CFAP221: variants seen among roughly 807,000 people sequenced by gnomAD.
CFAP221 encodes the protein cilia and flagella associated protein 221, also known as cilia- and flagella-associated protein 221.
Under a neutral mutation model 113.1 loss-of-function variants are expected in CFAP221, and 97 were observed. The ratio of observed to expected loss-of-function variants is 0.86; its 90% CI spans 0.73 to 1.02. The LOEUF (loss-of-function observed/expected upper bound fraction) is 1.02. Among genes scored for constraint, CFAP221 ranks in the 50% least tolerant of loss-of-function variants. The pLI, the probability that CFAP221 is intolerant of heterozygous loss-of-function variation, is 0.00. For missense variants in CFAP221, 1,025 were observed against 1,013.4 expected, an observed-to-expected ratio of 1.01 and a Z score of -0.16; for synonymous variants, 331 against 354.4, an observed-to-expected ratio of 0.93 and a Z score of 0.74.
intron 6 of CFAP221, among the ~76,000 whole-genome samples, chr2:119,585,859 G>A (rs896275010): frequency 6.6e-6 from 1 of 152,146 alleles, no homozygotes; most frequent in Admixed American, 6.5e-5. Context: ...GAATCTCCAG[G>A]GAAGACAGAC....
chr2:119,641,689 ACT>A (rs1687498565), intron 21 of CFAP221, among the ~76,000 whole-genome samples: 1 of 151,828 alleles, frequency 6.6e-6, no homozygotes, highest in African/African-American at 2.4e-5. Flanking sequence ...ATGCTTAGTA[ACT>A]CTTCTCTCAC....
At chr2:119,551,040 A>G (rs1307786838) in intron 3 of CFAP221, among the ~76,000 whole-genome samples, 1 of 152,204 alleles carries the variant, frequency 6.6e-6, no homozygotes, top group Admixed American at 6.5e-5. Flanking sequence ...TTCACTTAGC[A>G]TAGTGTTTTC....
chr2:119,608,159 A>G (rs1294706322), intron 11 of CFAP221, among the ~76,000 whole-genome samples: 3 of 152,304 alleles, frequency 2.0e-5, no homozygotes, highest in East Asian at 3.9e-4. Context: ...TTGCTCAGCA[A>G]TACCCGTTAT....
chr2:119,645,834 C>A (rs1454392034), intron 21 of CFAP221, among the ~76,000 whole-genome samples: 1 of 152,164 alleles, frequency 6.6e-6, no homozygotes, highest in Non-Finnish European at 1.5e-5. Flanking sequence ...CATGAGACAG[C>A]ATTCTCTAGG....
At chr2:119,568,990 GT>G (rs964138918) in intron 6 of CFAP221, among the ~76,000 whole-genome samples, 4 of 151,652 alleles carry the variant, frequency 2.6e-5, no homozygotes, top group Non-Finnish European at 5.9e-5. Flanking sequence ...TGAGTCGGTG[GT>G]TTTTTTTCCT....
chr2:119,655,671 A>AT (rs1688385575), intron 23 of CFAP221, among the ~76,000 whole-genome samples: 1 of 152,154 alleles, frequency 6.6e-6, no homozygotes, highest in African/African-American at 2.4e-5. Context: ...GAGCACCATG[A>AT]CAGTCTCTGA....
At chr2:119,551,968 A>G (rs893144488) in intron 3 of CFAP221, among the ~76,000 whole-genome samples, 20 of 152,166 alleles carry the variant, frequency 1.3e-4, no homozygotes, top group African/African-American at 4.8e-4. Context: ...CTTCCTTAAA[A>G]TAGACTTTCC....
intron 21 of CFAP221, among the ~76,000 whole-genome samples, chr2:119,642,825 G>A (rs985183923): frequency 6.7e-6 from 1 of 149,908 alleles, no homozygotes; most frequent in Non-Finnish European, 1.5e-5. Flanking sequence ...CAGAAGTGGA[G>A]CCACTGCACC....
At chr2:119,551,782 A>C (rs1205676434) in intron 3 of CFAP221, among the ~76,000 whole-genome samples, 1 of 152,220 alleles carries the variant, frequency 6.6e-6, no homozygotes, top group South Asian at 2.1e-4. Flanking sequence ...CAATTTCTGC[A>C]AGAATACTTT....
intron 11 of CFAP221, among the ~76,000 whole-genome samples, chr2:119,606,644 G>A (rs1342815883): frequency 2.6e-5 from 4 of 151,968 alleles, no homozygotes; most frequent in Non-Finnish European, 4.4e-5. Flanking sequence ...TACATATAGA[G>A]AAGGAAAAAA....
intron 7 of CFAP221, among the ~76,000 whole-genome samples, chr2:119,597,756 G>T (rs948365012): frequency 6.6e-6 from 1 of 152,150 alleles, no homozygotes; most frequent in African/African-American, 2.4e-5. Context: ...CCCTCTAGAG[G>T]TTTCCCATTG....
At chr2:119,569,776 C>G (rs1025957886) in intron 6 of CFAP221, among the ~76,000 whole-genome samples, 1 of 152,144 alleles carries the variant, frequency 6.6e-6, no homozygotes, top group Non-Finnish European at 1.5e-5. Context: ...TGTGTCCAAC[C>G]TGCTAATAAG....
At chr2:119,603,663 T>G (rs1165180618) in intron 8 of CFAP221, among the ~76,000 whole-genome samples, 3 of 152,228 alleles carry the variant, frequency 2.0e-5, no homozygotes, top group African/African-American at 7.2e-5. Flanking sequence ...CCACACATCG[T>G]TGCTTAAAGA....
intron 13 of CFAP221, among the ~76,000 whole-genome samples, chr2:119,613,424 C>T (rs1267608056): frequency 6.6e-6 from 1 of 152,226 alleles, no homozygotes; most frequent in Non-Finnish European, 1.5e-5. Flanking sequence ...CTGCAACAAA[C>T]TTCTGCCTGC....
At chr2:119,548,659 TACA>T (rs1680211146) in intron 2 of CFAP221, among the ~76,000 whole-genome samples, 1 of 152,250 alleles carries the variant, frequency 6.6e-6, no homozygotes, top group African/African-American at 2.4e-5. Flanking sequence ...AAAAGTTAAA[TACA>T]TAGTAATAAA....
intron 21 of CFAP221, among the ~76,000 whole-genome samples, chr2:119,642,028 G>A (rs940804346): frequency 5.3e-5 from 8 of 152,178 alleles, no homozygotes; most frequent in African/African-American, 1.4e-4. Flanking sequence ...CTTTCAACAA[G>A]CAGTGAGAAT....
intron 13 of CFAP221, among the ~76,000 whole-genome samples, chr2:119,614,413 G>T (rs187461846): frequency 6.6e-6 from 1 of 152,266 alleles, no homozygotes; most frequent in East Asian, 1.9e-4. Context: ...CCTGAGGCTG[G>T]GTAATTTATA....
At position 119,601,382 on chromosome 2, in the gene CFAP221, G is replaced by A. The variant is rs1371565067; in HGVS notation, c.791+5G>A. 2 of 1,504,980 alleles carry A rather than the reference G, an allele frequency of 1.3e-6. No homozygotes were observed. The highest frequency in any genetic ancestry group is 4.1e-5 in the Admixed American group (2 of 49,282). The allele number at this position is 1,504,980 out of a possible 1,614,324, so 93.2% of individuals were successfully genotyped here. A position where few individuals can be genotyped will look rare whatever the true frequency, so the allele number is the denominator to read the frequency against. Reference sequence around the variant, plus strand: ...CTATCCCAACATGGCCTTACCGTATGGCGTCTTTGCAGTGTTTTTGTTTAT... The same window carrying A: ...CTATCCCAACATGGCCTTACCGTATAGCGTCTTTGCAGTGTTTTTGTTTAT... On this transcript the variant is annotated splice_donor_5th_base_variant and intron_variant, in intron 8 of 23. Coordinates refer to ENST00000413369, the MANE Select transcript of CFAP221 (RefSeq NM_001271049.2).
intron 22 of CFAP221, among the ~76,000 whole-genome samples, chr2:119,650,563 T>C (rs1688067176): frequency 6.6e-6 from 1 of 152,224 alleles, no homozygotes; most frequent in South Asian, 2.1e-4. Flanking sequence ...TAGAGGGTTG[T>C]CAGAATTAAA....
Sources: allele counts gnomAD v4.1 joint callset (sites outside exome capture counted in the v4.1 genomes callset), GRCh38; gene constraint gnomAD v4.1.1; transcripts MANE v1.5; gene names NCBI Gene and HGNC (gene_info 2026-07-23, HGNC 2026-07-21).